The following ANK1 variants were observed in gnomAD, a reference collection of about 807,000 sequenced individuals.
ANK1 encodes the protein ankyrin-1.
ANK1 carries 51 observed loss-of-function variants against 210.4 expected under a neutral mutation model. That is an observed-to-expected ratio of 0.24 (90% CI 0.19 to 0.31). The LOEUF (loss-of-function observed/expected upper bound fraction) is 0.31, where lower values mean the gene tolerates loss of function less well. Among genes scored for constraint, ANK1 ranks in the 10% least tolerant of loss-of-function variants. The pLI is 1.00. For missense variants in ANK1, 2,051 were observed against 2,504.4 expected (o/e 0.82, Z 3.86); for synonymous variants, 967 against 1,025.9 (o/e 0.94, Z 1.10).
At chr8:41,703,422 G>GTGTGTGTGTA (rs1286560913) in intron 20 of ANK1, among the ~76,000 whole-genome samples, 3 of 53,764 alleles carry the variant, frequency 5.6e-5, no homozygotes, top group African/African-American at 2.1e-4. Flanking sequence ...GTGTGTGTGT[G>GTGTGTGTGTA]TATATATATA....
chr8:41,745,353 T>C (rs1835848167), intron 2 of ANK1, among the ~76,000 whole-genome samples: 1 of 152,146 alleles, frequency 6.6e-6, no homozygotes, highest in Non-Finnish European at 1.5e-5. Context: ...TGGTGTACAC[T>C]GGACTGTCTG....
Position 41,708,877 on chromosome 8 carries a change from C to T in ANK1, c.1899G>A (p.Val633=). The change falls in exon 17 of 43, where the codon GTG becomes GTA. Residue 633 remains valine, a synonymous_variant. Coordinates refer to ENST00000289734, the MANE Select transcript of ANK1 (RefSeq NM_000037.4). ...QYGGSANAES[V]QGVTPLHLAA... is the part of the protein sequence containing the mutation. ...CCAGGTGAAGGGGCGTCACACCTTG[C>T]ACCGACTCGGCGTTTGCTGAGCCCC... 1 of 1,614,118 alleles carries T rather than the reference C, an allele frequency of 6.2e-7. No individual in the cohort carries two copies. The highest frequency in any genetic ancestry group is 1.1e-5 in the South Asian group (1 of 91,084).
intron 16 of ANK1, among the ~76,000 whole-genome samples, chr8:41,709,202 A>G (rs1249464860): frequency 6.6e-6 from 1 of 152,216 alleles, no homozygotes; most frequent in African/African-American, 2.4e-5. Flanking sequence ...TTTTTTCACC[A>G]TCTGTTTTCT....
At chr8:41,805,773 T>G (rs1850876569) in intron 1 of ANK1, among the ~76,000 whole-genome samples, 1 of 152,230 alleles carries the variant, frequency 6.6e-6, no homozygotes, top group African/African-American at 2.4e-5. Context: ...CAAATCTGTT[T>G]AACATCTGGC....
chr8:41,677,842 G>A (rs1240489667), intron 37 of ANK1, among the ~76,000 whole-genome samples: 1 of 152,080 alleles, frequency 6.6e-6, no homozygotes, highest in African/African-American at 2.4e-5. Context: ...CACCCACCTC[G>A]ACCTCCCAAA....
intron 1 of ANK1, among the ~76,000 whole-genome samples, chr8:41,837,404 G>A (rs1245733294): frequency 2.6e-5 from 4 of 152,138 alleles, no homozygotes; most frequent in Non-Finnish European, 5.9e-5. Flanking sequence ...AGGAGTTGGG[G>A]GGGAAACACA....
chr8:41,719,625 C>G (rs1248089789), intron 10 of ANK1, 36 bp downstream of exon 10: 1 of 1,613,672 alleles, frequency 6.2e-7, no homozygotes, highest in African/African-American at 1.3e-5. Context: ...GCCTGCCCTG[C>G]CACTCTGCAC....
intron 40 of ANK1, among the ~76,000 whole-genome samples, chr8:41,662,964 G>A (rs1424648276): frequency 1.3e-5 from 2 of 152,094 alleles, no homozygotes; most frequent in Non-Finnish European, 2.9e-5. Context: ...CACCCAGGCT[G>A]GAGTGCAGTG....
intron 21 of ANK1, 83 bp downstream of exon 21, chr8:41,701,969 C>T (rs1822951360): frequency 1.4e-6 from 2 of 1,439,652 alleles, no homozygotes; most frequent in African/African-American, 2.8e-5. Context: ...CCAGAACGCA[C>T]CCCACTTCCA....
chr8:41,696,902 G>A (rs1563466330), intron 24 of ANK1, 129 bp from the exon 25 acceptor site: 12 of 876,700 alleles, frequency 1.4e-5, no homozygotes, highest in South Asian at 2.9e-5. Flanking sequence ...GTGCTCCCAC[G>A]GGACCCCACC....
chr8:41,685,264 T>A (rs974304505), intron 36 of ANK1, among the ~76,000 whole-genome samples: 1 of 152,242 alleles, frequency 6.6e-6, no homozygotes, highest in African/African-American at 2.4e-5. Context: ...AGACTGTTTT[T>A]TTATTATTAT....
At chr8:41,717,487 T>C in intron 12 of ANK1, 117 bp downstream of exon 12, 1 of 981,374 alleles carries the variant, frequency 1.0e-6, no homozygotes, top group South Asian at 1.4e-5. Flanking sequence ...TCTGAAGCAT[T>C]GGCTGTTCTG....
intron 1 of ANK1, among the ~76,000 whole-genome samples, chr8:41,842,566 A>T (rs536529878): frequency 6.6e-6 from 1 of 152,136 alleles, no homozygotes; most frequent in African/African-American, 2.4e-5. Context: ...TGGGCGAACC[A>T]CATATCCCTG....
At position 41,703,446 on chromosome 8, in the gene ANK1, ATATATT is replaced by A. The variant is rs1447768418; in HGVS notation, c.2295+589_2295+594del. Among the ~76,000 whole-genome samples the A allele has an allele frequency of 3.7e-4, 23 of 61,568 alleles. No individual in the cohort carries two copies. In the East Asian group the frequency reaches 4.9e-3, roughly 13 times the overall value. The allele number at this position is 61,568 out of a possible 152,430, so 40.4% of individuals were successfully genotyped here. A position where few individuals can be genotyped will look rare whatever the true frequency, so the allele number is the denominator to read the frequency against. On this transcript the variant is annotated intron_variant, in intron 20 of 42. Transcript: ENST00000289734. ...TGTATATATATATATATATATATAT[ATATATT>A]TTTTTTTTTTTTTTAAGACACAAGG...
At chr8:41,668,052 C>T (rs552042256) in intron 39 of ANK1, among the ~76,000 whole-genome samples, 232 of 152,362 alleles carry the variant, frequency 1.5e-3, no homozygotes, top group African/African-American at 5.4e-3. Context: ...TGATCAGCAG[C>T]TGCCCAACAG....
At position 41,696,428 on chromosome 8, in the gene ANK1, C is replaced by T. The variant is rs1170424157; in HGVS notation, c.2895G>A (p.Leu965=). Residue 965 remains leucine, a synonymous_variant, in exon 26 of 43, where the codon CTG becomes CTA. Transcript: ENST00000289734. ...KPQKLSTPPP[L]AEEEGLASRI... ...TGCTGGCCAGGCCCTCCTCCTCGGC[C>T]AGTGGGGGCGGCGTGCTGAGCTTCT... 2 of 1,613,198 alleles carry T rather than the reference C, an allele frequency of 1.2e-6. No homozygotes were observed. Among genetic ancestry groups the T allele is most frequent in the Non-Finnish European group, 1.7e-6 (2 of 1,179,882 alleles).
At chr8:41,875,075 G>A (rs572447932) in intron 1 of ANK1, among the ~76,000 whole-genome samples, 28 of 152,318 alleles carry the variant, frequency 1.8e-4, no homozygotes, top group Non-Finnish European at 4.1e-4. Flanking sequence ...GATGGGAGAG[G>A]GGAGGGAGCA....
At chr8:41,815,680 T>A (rs1489933228) in intron 1 of ANK1, among the ~76,000 whole-genome samples, 1 of 152,216 alleles carries the variant, frequency 6.6e-6, no homozygotes, top group Non-Finnish European at 1.5e-5. Flanking sequence ...ACAGTAGTTT[T>A]AATTATGTTA....
At chr8:41,733,811 T>C (rs1832785270) in intron 3 of ANK1, among the ~76,000 whole-genome samples, 160 bp downstream of exon 3, 3 of 152,182 alleles carry the variant, frequency 2.0e-5, no homozygotes, top group Admixed American at 2.0e-4. Context: ...TGGGGTCTGT[T>C]TCAGGCAGCT....
Sources: allele counts gnomAD v4.1 joint callset (sites outside exome capture counted in the v4.1 genomes callset), GRCh38; gene constraint gnomAD v4.1.1; transcripts MANE v1.5; gene names NCBI Gene and HGNC (gene_info 2026-07-23, HGNC 2026-07-21).